The following GDA variants were observed in gnomAD, a reference collection of about 807,000 sequenced individuals.
GDA encodes cytoplasmic PSD-95 interactor.
GDA carries 18 observed loss-of-function variants against 59.6 expected under a neutral mutation model. That is an observed-to-expected ratio of 0.30 (90% CI 0.21 to 0.45). The LOEUF (loss-of-function observed/expected upper bound fraction) is 0.45. GDA is among the 20% of genes least tolerant of loss of function. The pLI is 1.00. For synonymous variants in GDA, 201 were observed against 201.1 expected (o/e 1.00, Z 0.00); for missense variants, 427 against 552.3 (o/e 0.77, Z 2.27).
intron 3 of GDA, among the ~76,000 whole-genome samples, chr9:72,208,448 G>A (rs1342438426): frequency 1.3e-5 from 2 of 152,186 alleles, no homozygotes; most frequent in Non-Finnish European, 2.9e-5. Flanking sequence ...TGCTCAGACA[G>A]GTCAGGCAAT....
intron 7 of GDA, among the ~76,000 whole-genome samples, chr9:72,224,640 G>A (rs1837318903): frequency 6.6e-6 from 1 of 152,052 alleles, no homozygotes; most frequent in Non-Finnish European, 1.5e-5. Flanking sequence ...ACTCATTCTG[G>A]AAACTAACAA....
chr9:72,147,130 T>C (rs529184212), upstream of GDA, among the ~76,000 whole-genome samples: 2 of 152,358 alleles, frequency 1.3e-5, no homozygotes, highest in East Asian at 3.9e-4. Flanking sequence ...TTGTTTGATG[T>C]ACCTTTTCAA....
chr9:72,249,766 A>C lies in GDA; in HGVS notation c.*1424A>C. 1 of 853,018 alleles carries C rather than the reference A, an allele frequency of 1.2e-6. No individual in the cohort carries two copies. Among genetic ancestry groups the C allele is most frequent in the Non-Finnish European group, 1.4e-6 (1 of 709,368 alleles). The allele number at this position is 853,018 out of a possible 1,614,324, so 52.8% of individuals were successfully genotyped here. ...ATTATAACACTCATTCCTAGAGCTT[A>C]GGGGTGACTCTTTAATATTACCTTA... On this transcript the variant is annotated 3_prime_UTR_variant, in exon 14 of 14. Transcript: ENST00000358399.
chr9:72,175,358 G>C (rs543069058), intron 1 of GDA, among the ~76,000 whole-genome samples: 1 of 152,144 alleles, frequency 6.6e-6, no homozygotes, highest in South Asian at 2.1e-4. Flanking sequence ...CAGGGGGTAC[G>C]ACAGAGATGT....
chr9:72,138,639 G>C (rs1826332710), intron 1 of GDA, among the ~76,000 whole-genome samples: 1 of 152,250 alleles, frequency 6.6e-6, no homozygotes, highest in Non-Finnish European at 1.5e-5. Context: ...GATGGAGTAT[G>C]CAGGAGTTGA....
chr9:72,199,443 C>T (rs936938857), intron 2 of GDA, among the ~76,000 whole-genome samples: 1 of 152,192 alleles, frequency 6.6e-6, no homozygotes, highest in African/African-American at 2.4e-5. Context: ...AGACTTTGTA[C>T]TCTGAATCAT....
chr9:72,191,322 G>T (rs1005861478), intron 1 of GDA, among the ~76,000 whole-genome samples: 1 of 152,070 alleles, frequency 6.6e-6, no homozygotes, highest in African/African-American at 2.4e-5. Context: ...GGGAAAGTGG[G>T]ACTCAGTTAT....
chr9:72,156,597 G>C (rs1285030824), intron 1 of GDA, among the ~76,000 whole-genome samples: 1 of 152,180 alleles, frequency 6.6e-6, no homozygotes, highest in Non-Finnish European at 1.5e-5. Context: ...TGCTTGTTCA[G>C]AATGCTCATG....
At chr9:72,168,232 C>T (rs1829546590) in intron 1 of GDA, among the ~76,000 whole-genome samples, 1 of 151,714 alleles carries the variant, frequency 6.6e-6, no homozygotes. Context: ...TCCCTCTGTA[C>T]AAAACAAACA....
intron 1 of GDA, among the ~76,000 whole-genome samples, chr9:72,125,895 A>G (rs1825828819): frequency 6.6e-6 from 1 of 152,120 alleles, no homozygotes; most frequent in Non-Finnish European, 1.5e-5. Flanking sequence ...TGGAAGGTAA[A>G]CGACAGGTTC....
In GDA at chr9:72,149,652, T is replaced by G. The variant is rs563808870; in HGVS notation, c.93T>G (p.Asp31Glu). ...TWTCPMEVLR[D>E]HLLGVSDSGK... is the part of the protein sequence containing the mutation. Reference sequence around the variant, plus strand: ...CCTGCCCCATGGAGGTGCTGCGGGATCACCTCCTCGGCGTGAGCGACAGCG... The same window carrying G: ...CCTGCCCCATGGAGGTGCTGCGGGAGCACCTCCTCGGCGTGAGCGACAGCG... Residue 31 changes from aspartate (D) to glutamate (E), a missense_variant, in exon 1 of 14, where the codon GAT becomes GAG. Physicochemically the swap from Asp to Glu is conservative, Grantham distance 45. Coordinates refer to ENST00000358399, the MANE Select transcript of GDA (RefSeq NM_004293.5). 2 of 1,605,974 alleles carry G rather than the reference T, an allele frequency of 1.2e-6. No individual in the cohort carries two copies. The highest frequency in any genetic ancestry group is 2.2e-5 in the South Asian group (2 of 90,606).
chr9:72,217,235 G>A (rs1156289659), intron 5 of GDA, among the ~76,000 whole-genome samples: 2 of 152,172 alleles, frequency 1.3e-5, no homozygotes, highest in Non-Finnish European at 2.9e-5. Context: ...TAAGAGTTGA[G>A]TAGAAAGTGA....
chr9:72,245,398 G>C, intron 12 of GDA, 120 bp downstream of exon 12: 1 of 686,910 alleles, frequency 1.5e-6, no homozygotes, highest in South Asian at 1.8e-5. Flanking sequence ...ATCTTAAAAT[G>C]GACGCTAGAG....
At chr9:72,131,883 A>G (rs1321195222) in intron 1 of GDA, among the ~76,000 whole-genome samples, 1 of 152,228 alleles carries the variant, frequency 6.6e-6, no homozygotes, top group Non-Finnish European at 1.5e-5. Context: ...AAGCCTGGAA[A>G]GAAAAAGATG....
At chr9:72,137,569 A>G (rs1272048051) in intron 1 of GDA, among the ~76,000 whole-genome samples, 1 of 151,828 alleles carries the variant, frequency 6.6e-6, no homozygotes, top group Non-Finnish European at 1.5e-5. Context: ...TAACTCTACA[A>G]TTTTCTAAGA....
chr9:72,216,644 C>A (rs1213997792), intron 5 of GDA, among the ~76,000 whole-genome samples: 3 of 151,984 alleles, frequency 2.0e-5, no homozygotes, highest in Admixed American at 2.0e-4. Context: ...AGACAGAACA[C>A]CAGCGATTGC....
chr9:72,189,409 C>T (rs557944496), intron 1 of GDA, among the ~76,000 whole-genome samples: 5 of 151,818 alleles, frequency 3.3e-5, no homozygotes, highest in East Asian at 3.9e-4. Context: ...AACTCCTGGG[C>T]GCAATTGATC....
At chr9:72,150,218 C>T (rs1043943940) in intron 1 of GDA, among the ~76,000 whole-genome samples, 1 of 151,990 alleles carries the variant, frequency 6.6e-6, no homozygotes, top group African/African-American at 2.4e-5. Flanking sequence ...AATATACTAA[C>T]GATGAAGGTT....
At chr9:72,130,766 G>A (rs889361824) in intron 1 of GDA, among the ~76,000 whole-genome samples, 4 of 152,190 alleles carry the variant, frequency 2.6e-5, no homozygotes, top group African/African-American at 9.7e-5. Context: ...TCTTGTGTGA[G>A]CTGAGTTGTG....
Sources: allele counts gnomAD v4.1 joint callset (sites outside exome capture counted in the v4.1 genomes callset), GRCh38; gene constraint gnomAD v4.1.1; transcripts MANE v1.5; gene names NCBI Gene and HGNC (gene_info 2026-07-23, HGNC 2026-07-21).